The following CLEC16A variants were observed in gnomAD, a reference collection of about 807,000 sequenced individuals.
CLEC16A encodes protein CLEC16A.
Under a neutral mutation model 109.5 loss-of-function variants are expected in CLEC16A, and 51 were observed. The ratio of observed to expected loss-of-function variants is 0.47; its 90% CI spans 0.37 to 0.59. The LOEUF (loss-of-function observed/expected upper bound fraction) is 0.59. CLEC16A is among the 20% of genes least tolerant of loss of function. The pLI, the probability that CLEC16A is intolerant of heterozygous loss-of-function variation, is 0.00. For synonymous variants in CLEC16A, 673 were observed against 564.2 expected (o/e 1.19, Z -2.73); for missense variants, 1,339 against 1,394.0 (o/e 0.96, Z 0.63).
intron 19 of CLEC16A, among the ~76,000 whole-genome samples, chr16:11,080,841 G>A (rs1482685064): frequency 1.3e-5 from 2 of 152,198 alleles, no homozygotes; most frequent in African/African-American, 4.8e-5. Flanking sequence ...ATTAGATTGG[G>A]CCTGTCCAGG....
intron 1 of CLEC16A, among the ~76,000 whole-genome samples, chr16:10,952,969 A>G (rs12443971): frequency 0.32 from 48,700 of 152,200 alleles, 9,894 homozygotes; most frequent in East Asian, 0.59. Context: ...CTCCAAATTT[A>G]GCCATAGATG....
intron 10 of CLEC16A, among the ~76,000 whole-genome samples, chr16:10,999,009 A>C (rs2044500786): frequency 6.6e-6 from 1 of 151,942 alleles, no homozygotes; most frequent in African/African-American, 2.4e-5. Flanking sequence ...AAAAAACAAA[A>C]AACAGGTTTT....
At chr16:11,004,944 G>T (rs2044903391) in intron 11 of CLEC16A, among the ~76,000 whole-genome samples, 2 of 152,130 alleles carry the variant, frequency 1.3e-5, no homozygotes, top group African/African-American at 4.8e-5. Context: ...TTGCTTATTG[G>T]GGTCATTCTG....
intron 19 of CLEC16A, among the ~76,000 whole-genome samples, chr16:11,113,048 T>C (rs1327425650): frequency 6.6e-6 from 1 of 152,236 alleles, no homozygotes; most frequent in Non-Finnish European, 1.5e-5. Context: ...ACATGTGAGC[T>C]GAACTGGACA....
rs34473437 is a variant in CLEC16A at position 11,173,969 on chromosome 16, C to G, written c.2807-4366C>G. 7.0e-3 allele frequency among the ~76,000 whole-genome samples: 1,064 copies of G among 152,244 alleles called. 10 individuals are homozygous for G. Among genetic ancestry groups the G allele is most frequent in the African/African-American group, 0.025 (1,019 of 41,548 alleles). ...ATCCTGGGGGTTGCATGGGGGGTGT[C>G]TTCTCTGCATGGGGGGCCAGCGCCC... On this transcript the variant is annotated intron_variant, in intron 23 of 23. Coordinates refer to ENST00000409790, the MANE Select transcript of CLEC16A (RefSeq NM_015226.3).
At chr16:11,043,070 G>A (rs1004782230) in intron 15 of CLEC16A, among the ~76,000 whole-genome samples, 7 of 132,778 alleles carry the variant, frequency 5.3e-5, no homozygotes, top group African/African-American at 2.2e-4. Flanking sequence ...ATATGTTTGT[G>A]TATATATATA....
intron 22 of CLEC16A, among the ~76,000 whole-genome samples, chr16:11,161,939 T>C (rs1287101609): frequency 5.3e-5 from 8 of 152,076 alleles, no homozygotes; most frequent in African/African-American, 1.9e-4. Context: ...GGTTAAGTGA[T>C]TATTGGTGGG....
At chr16:10,988,075 G>A (rs1471450540) in intron 10 of CLEC16A, among the ~76,000 whole-genome samples, 2 of 152,228 alleles carry the variant, frequency 1.3e-5, no homozygotes, top group Non-Finnish European at 2.9e-5. Flanking sequence ...GCTATAATTC[G>A]AATGCAGAGC....
rs201753258 is a variant in CLEC16A at position 10,977,366 on chromosome 16, C to T, written c.870C>T (p.Pro290=). The T allele has an allele frequency of 1.2e-6, 2 of 1,613,892 alleles. No individual in the cohort carries two copies. The change falls in exon 8 of 24, where the codon CCC becomes CCT. Residue 290 remains proline, a synonymous_variant. Transcript: ENST00000409790. ...TDHLLNRLFL[P]LYVYSLENQD... ...ACCTGCTCAACAGGCTCTTCCTGCC[C>T]CTCTACGTGTACTCACTGGAGAACC...
chr16:11,090,282 T>C (rs1397189180), intron 19 of CLEC16A, among the ~76,000 whole-genome samples: 5 of 152,178 alleles, frequency 3.3e-5, no homozygotes, highest in Non-Finnish European at 7.3e-5. Flanking sequence ...TCTCGAACTC[T>C]GGACCTCAAG....
intron 18 of CLEC16A, among the ~76,000 whole-genome samples, chr16:11,051,930 A>G (rs1311548035): frequency 1.3e-5 from 2 of 152,208 alleles, no homozygotes; most frequent in South Asian, 2.1e-4. Flanking sequence ...GTGTAAGGCA[A>G]TGGGGCCAGT....
chr16:11,098,945 C>T (rs1265411564), intron 19 of CLEC16A, among the ~76,000 whole-genome samples: 1 of 152,362 alleles, frequency 6.6e-6, no homozygotes, highest in South Asian at 2.1e-4. Context: ...TGAGGAATCC[C>T]TTCCAGCAGT....
At chr16:11,034,391 A>G (rs1034656675) in intron 13 of CLEC16A, among the ~76,000 whole-genome samples, 1 of 152,092 alleles carries the variant, frequency 6.6e-6, no homozygotes, top group African/African-American at 2.4e-5. Context: ...AGATCTGTCT[A>G]ATTATTCTTA....
At chr16:11,067,199 T>TG (rs2048818375) in intron 19 of CLEC16A, among the ~76,000 whole-genome samples, 2 of 148,248 alleles carry the variant, frequency 1.3e-5, no homozygotes, top group African/African-American at 5.0e-5. Context: ...GTTTTTTTTT[T>TG]TTTTTTTTTT....
intron 19 of CLEC16A, among the ~76,000 whole-genome samples, chr16:11,101,450 G>A (rs1412992303): frequency 1.3e-5 from 2 of 152,154 alleles, no homozygotes; most frequent in African/African-American, 4.8e-5. Context: ...TTCCCTGCAT[G>A]TCCTTGACTG....
chr16:10,945,952 ACTGCTCT>A (rs752045405), intron 1 of CLEC16A, among the ~76,000 whole-genome samples: 20 of 152,212 alleles, frequency 1.3e-4, no homozygotes, highest in Non-Finnish European at 2.8e-4. Context: ...AGCATCTAGG[ACTGCTCT>A]CTGCTTACTT....
chr16:11,102,357 G>A (rs2050970464), intron 19 of CLEC16A, among the ~76,000 whole-genome samples: 1 of 152,154 alleles, frequency 6.6e-6, no homozygotes, highest in African/African-American at 2.4e-5. Context: ...AGGGAATTTG[G>A]TTTGTGAGGT....
intron 19 of CLEC16A, among the ~76,000 whole-genome samples, chr16:11,115,652 CA>C (rs2051933217): frequency 6.6e-6 from 1 of 152,188 alleles, no homozygotes; most frequent in Non-Finnish European, 1.5e-5. Context: ...GGATTATAGG[CA>C]TGAGCCACCA....
intron 9 of CLEC16A, among the ~76,000 whole-genome samples, chr16:10,979,939 C>G (rs1466284702): frequency 1.3e-5 from 2 of 152,110 alleles, no homozygotes; most frequent in Non-Finnish European, 1.5e-5. Context: ...AAGTGTGTTT[C>G]CTTCATGTAA....
Sources: gnomAD v4.1 joint callset for allele counts (sites outside exome capture counted in the v4.1 genomes callset) on GRCh38, gnomAD v4.1.1 for gene constraint, MANE v1.5 for transcripts, NCBI Gene and HGNC (gene_info 2026-07-23, HGNC 2026-07-21) for gene names.